COX18: variants seen among roughly 807,000 people sequenced by gnomAD.
COX18 encodes cytochrome c oxidase assembly protein COX18, mitochondrial.
A neutral mutation model predicts 38.0 loss-of-function variants in COX18; 45 were observed. That is an observed-to-expected ratio of 1.18 (90% CI 0.93 to 1.52). COX18 has a LOEUF of 1.52. Among genes scored for constraint, COX18 ranks in the 40% most tolerant of loss-of-function variants. The pLI is 0.00. For missense variants in COX18, 462 were observed against 423.8 expected (o/e 1.09, Z -0.79); for synonymous variants, 177 against 169.8 (o/e 1.04, Z -0.33).
intron 1 of COX18, 120 bp downstream of exon 1, chr4:73,069,197 A>C (rs563790603): frequency 9.8e-6 from 7 of 717,602 alleles, no homozygotes; most frequent in Admixed American, 9.2e-5. Flanking sequence ...GGTCACGATG[A>C]TTAAACACTA....
chr4:73,065,240 C>G lies in COX18; in HGVS notation c.598+10G>C. On this transcript the variant is annotated intron_variant, in intron 3 of 5. Transcript: ENST00000507544. ...GAGAACTTCTTTGGGAGAAGACATA[C>G]AATAATTACCTTCTGAATGTGCTGC... 7.1e-7 allele frequency: 1 copy of G among 1,402,900 alleles called. No individual in the cohort carries two copies. The highest frequency in any genetic ancestry group is 9.7e-7 in the Non-Finnish European group (1 of 1,035,214). 86.9% of individuals were successfully genotyped at this position (1,402,900 alleles called of 1,614,324 possible).
chr4:73,058,356 A>T (rs1719996688), intron 5 of COX18, 69 bp from the exon 6 acceptor site: 1 of 1,172,542 alleles, frequency 8.5e-7, no homozygotes, highest in Non-Finnish European at 1.2e-6. Flanking sequence ...GACAATAAAA[A>T]ATAAAATGAC....
chr4:73,069,624 C>A lies in COX18; in HGVS notation c.26G>T (p.Trp9Leu). 1 of 1,549,326 alleles carries A rather than the reference C, an allele frequency of 6.5e-7. No homozygotes were observed. The highest frequency in any genetic ancestry group is 1.2e-5 in the South Asian group (1 of 85,168). The change falls in exon 1 of 6, where the codon TGG becomes TTG. Residue 9 changes from tryptophan to leucine, a missense_variant. Physicochemically the swap from Trp to Leu is moderately conservative, Grantham distance 61 (BLOSUM62 -2). Coordinates refer to ENST00000507544, the MANE Select transcript of COX18 (RefSeq NM_001297732.2). The part of the protein sequence containing the change: MLCRLGGR[W>L]LRPLPALQLW... ...CTGCAGGGCAGGGAGCGGCCGCAGC[C>A]ACCGACCGCCGAGCCGGCACAGCAT...
At chr4:73,059,539 T>A (rs577957806) in intron 5 of COX18, among the ~76,000 whole-genome samples, 6 of 152,288 alleles carry the variant, frequency 3.9e-5, no homozygotes, top group Admixed American at 1.3e-4. Context: ...GCACAGTAGT[T>A]AAGAGGAGGA....
chr4:73,067,979 TG>T, intron 2 of COX18, 49 bp downstream of exon 2: 2 of 996,260 alleles, frequency 2.0e-6, no homozygotes, highest in Non-Finnish European at 3.2e-6. Flanking sequence ...TGTGTGTGTG[TG>T]TGTGTGTGTA....
intron 2 of COX18, among the ~76,000 whole-genome samples, chr4:73,065,691 AG>A (rs1380919762): frequency 6.6e-6 from 1 of 152,206 alleles, no homozygotes; most frequent in Non-Finnish European, 1.5e-5. Context: ...TAGGCTTTAA[AG>A]GTAAATTTCA....
At chr4:73,065,613 T>G (rs1387023276) in intron 2 of COX18, among the ~76,000 whole-genome samples, 200 bp from the exon 3 acceptor site, 1 of 152,150 alleles carries the variant, frequency 6.6e-6, no homozygotes. Flanking sequence ...TACAGTATGG[T>G]ACACAAGTTA....
In COX18 at chr4:73,054,001, T is replaced by C. The variant is rs1719810142; in HGVS notation, c.*4113A>G. Reference sequence around the variant, plus strand: ...TGACTCTTGAAATGAGAAGCATTCATTAAGACAGTGAATCTGGCCTAGAGA... The same window carrying C: ...TGACTCTTGAAATGAGAAGCATTCACTAAGACAGTGAATCTGGCCTAGAGA... On this transcript the variant is annotated 3_prime_UTR_variant, in exon 6 of 6. Coordinates refer to ENST00000507544, the MANE Select transcript of COX18 (RefSeq NM_001297732.2). 1 of 152,218 alleles carries C rather than the reference T, an allele frequency of 6.6e-6. No homozygotes were observed. The highest frequency in any genetic ancestry group is 6.5e-5 in the Admixed American group (1 of 15,276). 9.4% of individuals were successfully genotyped at this position (152,218 alleles called of 1,614,324 possible). A position where few individuals can be genotyped will look rare whatever the true frequency, so the allele number is the denominator to read the frequency against.
At chr4:73,059,849 C>G (rs967220217) in intron 5 of COX18, among the ~76,000 whole-genome samples, 1 of 152,036 alleles carries the variant, frequency 6.6e-6, no homozygotes, top group Non-Finnish European at 1.5e-5. Context: ...AGCTAAGTAT[C>G]AATCTCCCCT....
In COX18 at chr4:73,058,112, T is replaced by C. The variant is rs551022891; in HGVS notation, c.*2A>G. On this transcript the variant is annotated 3_prime_UTR_variant, in exon 6 of 6. Coordinates refer to ENST00000507544, the MANE Select transcript of COX18 (RefSeq NM_001297732.2). ...ACTGTTTCAAAATTATTGGAAAATA[T>C]GTCATTTTCTTGAAATGAACTTGGT... is the stretch of plus-strand genomic sequence containing the variant. 2.7e-5 allele frequency: 43 copies of C among 1,566,752 alleles called. 1 individual carries two copies. In the South Asian group the frequency reaches 4.2e-4, roughly 15 times the overall value.
intron 2 of COX18, among the ~76,000 whole-genome samples, chr4:73,067,012 G>C (rs1166614497): frequency 3.3e-5 from 5 of 152,126 alleles, no homozygotes; most frequent in Non-Finnish European, 7.3e-5. Context: ...TTAGAGTTTG[G>C]GAAACTGATT....
intron 2 of COX18, among the ~76,000 whole-genome samples, chr4:73,067,298 A>G (rs1720497850): frequency 6.6e-6 from 1 of 152,214 alleles, no homozygotes; most frequent in African/African-American, 2.4e-5. Flanking sequence ...GACCAATATC[A>G]CAAAAGAATG....
At chr4:73,068,361 A>G (rs1387065958) in intron 1 of COX18, among the ~76,000 whole-genome samples, 1 of 152,152 alleles carries the variant, frequency 6.6e-6, no homozygotes, top group African/African-American at 2.4e-5. Context: ...AACCTCTAAA[A>G]TCATGTTCCC....
rs1209578029 is a variant in COX18 at position 73,054,662 on chromosome 4, AT to A, written c.*3451del. ...TACATTTGTAAAGATACAAATATAC[AT>A]TTTGAAATCAAGGGGACTCACAGTA... is the stretch of plus-strand genomic sequence containing the variant. On this transcript the variant is annotated 3_prime_UTR_variant, in exon 6 of 6. Coordinates refer to ENST00000507544, the MANE Select transcript of COX18 (RefSeq NM_001297732.2). 6.6e-6 allele frequency: 1 copy of A among 152,254 alleles called. No homozygotes were observed. The highest frequency in any genetic ancestry group is 2.4e-5 in the African/African-American group (1 of 41,460). 9.4% of individuals were successfully genotyped at this position (152,254 alleles called of 1,614,324 possible).
chr4:73,063,776 C>T (rs1431938860), intron 4 of COX18, among the ~76,000 whole-genome samples: 1 of 152,178 alleles, frequency 6.6e-6, no homozygotes, highest in Non-Finnish European at 1.5e-5. Context: ...ATTCTATCAT[C>T]TCCATTTTCC....
intron 3 of COX18, 96 bp downstream of exon 3, chr4:73,065,154 G>T: frequency 1.7e-6 from 2 of 1,153,826 alleles, no homozygotes; most frequent in South Asian, 1.6e-5. Flanking sequence ...TAAACATATC[G>T]TAATTATGAA....
chr4:73,057,309 C>A lies in COX18; in HGVS notation c.*805G>T, dbSNP rs1028118732. The A allele has an allele frequency of 1.3e-5, 2 of 151,902 alleles. No homozygotes were observed. The highest frequency in any genetic ancestry group is 1.5e-5 in the Non-Finnish European group (1 of 68,072). The allele number at this position is 151,902 out of a possible 1,614,324, so 9.4% of individuals were successfully genotyped here. A position where few individuals can be genotyped will look rare whatever the true frequency, so the allele number is the denominator to read the frequency against. ...GGGCGTGGTGGTGTGCACCTGCAATCCCAGATACTTGGAGGCTGAGGCAGG... is the reference window on the plus strand; with the variant it reads ...GGGCGTGGTGGTGTGCACCTGCAATACCAGATACTTGGAGGCTGAGGCAGG... On this transcript the variant is annotated 3_prime_UTR_variant, in exon 6 of 6. Transcript: ENST00000507544.
chr4:73,057,873 T>C lies in COX18; in HGVS notation c.*241A>G, dbSNP rs1211881935. ...TTTTAGTACAGACAGGGTTTCACCA[T>C]GTTGGCCAGGCTGGTCTCAAACTCC... On this transcript the variant is annotated 3_prime_UTR_variant, in exon 6 of 6. Coordinates refer to ENST00000507544, the MANE Select transcript of COX18 (RefSeq NM_001297732.2). 2 of 222,902 alleles carry C rather than the reference T, an allele frequency of 9.0e-6. No individual in the cohort carries two copies. The highest frequency in any genetic ancestry group is 2.3e-5 in the African/African-American group (1 of 43,434). The allele number at this position is 222,902 out of a possible 1,614,324, so 13.8% of individuals were successfully genotyped here.
At position 73,065,304 on chromosome 4, in the gene COX18, T is replaced by G; in HGVS notation, c.544A>C (p.Ile182Leu). ...TTCCGGAGAGCAAAAGACATGAAGA[T>G]CCACATTGGAAGCTGAATCCAAACC... is the stretch of plus-strand genomic sequence containing the variant. ...VLVWIQLPMW[I>L]FMSFALRNLS... is the part of the protein sequence containing the mutation. Residue 182 changes from isoleucine to leucine, a missense_variant, in exon 3 of 6, where the codon ATC (isoleucine) becomes CTC (leucine). Transcript: ENST00000507544. 1 of 1,613,278 alleles carries G rather than the reference T, an allele frequency of 6.2e-7. No homozygotes were observed. Among genetic ancestry groups the G allele is most frequent in the Middle Eastern group, 1.7e-4 (1 of 6,054 alleles).
Sources: allele counts gnomAD v4.1 joint callset (sites outside exome capture counted in the v4.1 genomes callset), GRCh38; gene constraint gnomAD v4.1.1; transcripts MANE v1.5; gene names NCBI Gene and HGNC (gene_info 2026-07-23, HGNC 2026-07-21).